IMMP2L: variants seen among roughly 807,000 people sequenced by gnomAD.
IMMP2L encodes the protein mitochondrial inner membrane protease subunit 2.
IMMP2L carries 18 observed loss-of-function variants against 19.3 expected under a neutral mutation model. The ratio of observed to expected loss-of-function variants is 0.93; its 90% CI spans 0.64 to 1.38. IMMP2L has a LOEUF of 1.38. IMMP2L is among the 40% of genes most tolerant of loss of function. The pLI is 0.00. For synonymous variants in IMMP2L, 76 were observed against 73.0 expected, an observed-to-expected ratio of 1.04 and a Z score of -0.21; for missense variants, 233 against 218.2, an observed-to-expected ratio of 1.07 and a Z score of -0.43.
intron 3 of IMMP2L, among the ~76,000 whole-genome samples, chr7:111,126,222 C>A (rs2129591318): frequency 6.6e-6 from 1 of 152,228 alleles, no homozygotes; most frequent in Non-Finnish European, 1.5e-5. Flanking sequence ...AGTTAAGGAG[C>A]TTCACTGAAG....
chr7:111,400,421 C>T (rs1167002286), intron 3 of IMMP2L, among the ~76,000 whole-genome samples: 7 of 152,066 alleles, frequency 4.6e-5, no homozygotes, highest in Admixed American at 1.3e-4. Flanking sequence ...ATGACATGAC[C>T]TGTATCCCCA....
chr7:110,855,775 A>T (rs2131556947), intron 5 of IMMP2L, among the ~76,000 whole-genome samples: 1 of 151,928 alleles, frequency 6.6e-6, no homozygotes, highest in East Asian at 1.9e-4. Context: ...CCTTTATTTG[A>T]TCACTATAAT....
chr7:111,078,104 C>T (rs1379372381), intron 3 of IMMP2L, among the ~76,000 whole-genome samples: 2 of 152,164 alleles, frequency 1.3e-5, no homozygotes, highest in Admixed American at 1.3e-4. Flanking sequence ...GCACGTTTAT[C>T]GTTGCCTATT....
intron 4 of IMMP2L, among the ~76,000 whole-genome samples, chr7:110,919,462 TAGAG>T (rs966410753): frequency 1.1e-4 from 17 of 152,200 alleles, no homozygotes; most frequent in African/African-American, 4.1e-4. Context: ...ACCTTTCTCA[TAGAG>T]ACTCTACTTG....
intron 5 of IMMP2L, among the ~76,000 whole-genome samples, chr7:110,810,799 C>A (rs144123730): frequency 1.6e-4 from 24 of 152,140 alleles, no homozygotes; most frequent in African/African-American, 5.8e-4. Flanking sequence ...GTAGTTTGTA[C>A]TGATATGTTA....
chr7:110,741,640 G>A (rs971610970), intron 5 of IMMP2L, among the ~76,000 whole-genome samples: 2 of 152,124 alleles, frequency 1.3e-5, no homozygotes, highest in Non-Finnish European at 1.5e-5. Context: ...TATTGTTTAT[G>A]AATTACCTAG....
intron 3 of IMMP2L, among the ~76,000 whole-genome samples, chr7:111,420,227 G>A (rs1376252932): frequency 6.6e-6 from 1 of 151,614 alleles, no homozygotes; most frequent in East Asian, 1.9e-4. Context: ...ACTTAAGTTG[G>A]TCATTCAAAC....
rs1370125496 is a variant in IMMP2L at position 110,870,502 on chromosome 7, T to A, written c.408+16091A>T. On this transcript the variant is annotated intron_variant, in intron 5 of 5. Transcript: ENST00000405709. This position sits in a 1 kb window ranked among gnomAD's most constrained non-coding sequence, Gnocchi z 4.2. ...GAGGAGATAAAAATATAAACATGAA[T>A]AAAGAAATAAAACAAGATAGTCATA... is the stretch of plus-strand genomic sequence containing the variant. 1.3e-5 allele frequency among the ~76,000 whole-genome samples: 2 copies of A among 151,980 alleles called. No homozygotes were observed. The highest frequency in any genetic ancestry group is 2.9e-5 in the Non-Finnish European group (2 of 67,974).
At chr7:111,259,721 ATT>A (rs1238549239) in intron 3 of IMMP2L, among the ~76,000 whole-genome samples, 2 of 151,982 alleles carry the variant, frequency 1.3e-5, no homozygotes, top group African/African-American at 4.8e-5. Context: ...AAAATCTTAA[ATT>A]TTTTGACTTT....
chr7:111,378,110 A>G (rs1830854439), intron 3 of IMMP2L, among the ~76,000 whole-genome samples: 1 of 152,026 alleles, frequency 6.6e-6, no homozygotes, highest in South Asian at 2.1e-4. Context: ...CTGAAATATA[A>G]TCTCTAATCA....
intron 3 of IMMP2L, among the ~76,000 whole-genome samples, chr7:111,009,551 C>G (rs1824697536): frequency 6.6e-6 from 1 of 152,018 alleles, no homozygotes; most frequent in South Asian, 2.1e-4. Context: ...ACAAGAACAC[C>G]TTGCAGTTGA....
chr7:110,850,914 T>G (rs1223092099), intron 5 of IMMP2L, among the ~76,000 whole-genome samples: 2 of 151,266 alleles, frequency 1.3e-5, no homozygotes, highest in South Asian at 4.2e-4. Flanking sequence ...ATGCCTCAAT[T>G]AAAAAGCCAA....
intron 3 of IMMP2L, among the ~76,000 whole-genome samples, chr7:111,403,224 T>A (rs1468867534): frequency 6.6e-6 from 1 of 151,694 alleles, no homozygotes; most frequent in East Asian, 1.9e-4. Context: ...ACTCACGAGA[T>A]CTCATGGTTT....
chr7:111,298,453 A>G (rs1024958854), intron 3 of IMMP2L, among the ~76,000 whole-genome samples: 5 of 152,124 alleles, frequency 3.3e-5, no homozygotes, highest in Non-Finnish European at 5.9e-5. Context: ...TTAAAAATAT[A>G]TAATAAAACA....
At chr7:111,433,130 C>T (rs1563184821) in intron 3 of IMMP2L, among the ~76,000 whole-genome samples, 1 of 151,784 alleles carries the variant, frequency 6.6e-6, no homozygotes, top group East Asian at 1.9e-4. Context: ...CCTCAGGATA[C>T]TTACAATCAT....
chr7:111,379,710 T>A (rs1467792827), intron 3 of IMMP2L, among the ~76,000 whole-genome samples: 3 of 151,986 alleles, frequency 2.0e-5, no homozygotes, highest in Non-Finnish European at 4.4e-5. Flanking sequence ...TGCCACATAT[T>A]ATCAAACTCT....
At chr7:111,557,755 T>G (rs1791538325) in intron 1 of IMMP2L, among the ~76,000 whole-genome samples, 2 of 152,198 alleles carry the variant, frequency 1.3e-5, no homozygotes, top group Admixed American at 1.3e-4. Context: ...CTTTTCATCT[T>G]TATATCCTCC....
At chr7:111,174,944 T>A (rs1806872757) in intron 3 of IMMP2L, among the ~76,000 whole-genome samples, 1 of 151,790 alleles carries the variant, frequency 6.6e-6, no homozygotes, top group Non-Finnish European at 1.5e-5. Context: ...CCTGATGGAA[T>A]ACTAGGCTTA....
chr7:111,429,572 G>C (rs1463534478), intron 3 of IMMP2L, among the ~76,000 whole-genome samples: 1 of 151,312 alleles, frequency 6.6e-6, no homozygotes, highest in Non-Finnish European at 1.5e-5. Context: ...AATCAACATA[G>C]AATTCCTGAT....
Sources: allele counts gnomAD v4.1 joint callset (sites outside exome capture counted in the v4.1 genomes callset), GRCh38; gene constraint gnomAD v4.1.1; non-coding constraint Gnocchi (gnomAD v3.1); transcripts MANE v1.5; gene names NCBI Gene and HGNC (gene_info 2026-07-23, HGNC 2026-07-21).